Variants in BCAT1 observed in about 807,000 individuals in gnomAD.
BCAT1 encodes branched chain amino acid transaminase 1, also known as branched-chain-amino-acid aminotransferase, cytosolic.
A neutral mutation model predicts 52.4 loss-of-function variants in BCAT1; 48 were observed. The ratio of observed to expected loss-of-function variants is 0.92; its 90% CI spans 0.73 to 1.16. BCAT1 has a LOEUF of 1.16. BCAT1 is among the 50% of genes most tolerant of loss of function. The probability of loss-of-function intolerance (pLI) is 0.00; values close to 1 mark genes in which losing one functional copy is unlikely to be tolerated. For synonymous variants in BCAT1, 167 were observed against 161.3 expected (o/e 1.04, Z -0.27); for missense variants, 451 against 457.1 (o/e 0.99, Z 0.12).
chr12:24,902,743 GAA>G, intron 1 of BCAT1: 1 of 761,102 alleles, frequency 1.3e-6, no homozygotes, highest in Non-Finnish European at 2.0e-6. Flanking sequence ...CGGGAACCTC[GAA>G]GAGGTGGAGA....
rs200927487 is a variant in BCAT1, at chr12:24,833,823, T to TTTC, written c.904-961_904-960insGAA. 68 of 135,884 alleles carry TTTC rather than the reference T, an allele frequency of 5.0e-4. 1 individual carries two copies. The highest frequency in any genetic ancestry group is 4.8e-4 in the Non-Finnish European group (30 of 62,728). The allele number at this position is 135,884 out of a possible 1,614,324, so 8.4% of individuals were successfully genotyped here. ...TACTCTTTCTACGTTTGTCTCTTTC[T>TTTC]TTTTTTTTTTTTTTTAAGACAGGGT... On this transcript the variant is annotated intron_variant, in intron 8 of 10. Coordinates refer to ENST00000261192, the MANE Select transcript of BCAT1 (RefSeq NM_005504.7).
intron 10 of BCAT1, among the ~76,000 whole-genome samples, chr12:24,826,815 T>C (rs1381069859): frequency 6.6e-6 from 1 of 152,208 alleles, no homozygotes; most frequent in Non-Finnish European, 1.5e-5. Flanking sequence ...ATTTTTTAAA[T>C]CATAGTTTTA....
At chr12:24,833,211 G>A (rs1276052000) in intron 8 of BCAT1, among the ~76,000 whole-genome samples, 1 of 152,144 alleles carries the variant, frequency 6.6e-6, no homozygotes, top group African/African-American at 2.4e-5. Context: ...GCTGCTTGAT[G>A]CATGCTCCGT....
chr12:24,928,711 T>C (rs1189390442), intron 1 of BCAT1, among the ~76,000 whole-genome samples: 2 of 77,338 alleles, frequency 2.6e-5, no homozygotes, highest in Non-Finnish European at 5.4e-5. Context: ...ATGTTTGTTG[T>C]TGTTGTTGTT....
intron 5 of BCAT1, among the ~76,000 whole-genome samples, chr12:24,876,891 C>T (rs1942363652): frequency 3.9e-5 from 6 of 151,932 alleles, no homozygotes. Context: ...GTACAGCAAA[C>T]CACCATGGCT....
At chr12:24,860,004 G>C (rs1304971923) in intron 5 of BCAT1, among the ~76,000 whole-genome samples, 1 of 152,202 alleles carries the variant, frequency 6.6e-6, no homozygotes, top group Non-Finnish European at 1.5e-5. Context: ...TATGTTATCA[G>C]TAATAATTAT....
intron 6 of BCAT1, among the ~76,000 whole-genome samples, chr12:24,845,904 T>C (rs774977439): frequency 2.0e-5 from 3 of 152,180 alleles, no homozygotes; most frequent in Non-Finnish European, 4.4e-5. Context: ...AAACTAATAA[T>C]AATAACTATT....
chr12:24,852,803 C>A (rs1454493458), intron 5 of BCAT1, among the ~76,000 whole-genome samples: 1 of 152,132 alleles, frequency 6.6e-6, no homozygotes, highest in Non-Finnish European at 1.5e-5. Context: ...TGCAATTTAA[C>A]CAAGGTCAAT....
intron 1 of BCAT1, among the ~76,000 whole-genome samples, chr12:24,917,073 C>CA (rs1943422811): frequency 6.6e-6 from 1 of 151,720 alleles, no homozygotes; most frequent in African/African-American, 2.4e-5. Context: ...ATGTTTCAAA[C>CA]AAAAACCCTT....
intron 5 of BCAT1, among the ~76,000 whole-genome samples, chr12:24,860,520 A>C (rs1177971909): frequency 6.6e-6 from 1 of 152,238 alleles, no homozygotes; most frequent in African/African-American, 2.4e-5. Context: ...GAGTATTCTT[A>C]ACTTATGGCA....
chr12:24,885,359 A>C (rs986557235), intron 3 of BCAT1, among the ~76,000 whole-genome samples: 1 of 152,186 alleles, frequency 6.6e-6, no homozygotes, highest in Non-Finnish European at 1.5e-5. Context: ...AAGATCCATA[A>C]GGAAAATATA....
chr12:24,856,700 C>A (rs1013765311), intron 5 of BCAT1, among the ~76,000 whole-genome samples: 2 of 152,182 alleles, frequency 1.3e-5, no homozygotes, highest in Non-Finnish European at 2.9e-5. Context: ...AAAATAAACA[C>A]CTGTGGTTGA....
At position 24,933,109 on chromosome 12, in the gene BCAT1, C is replaced by CTTTTTT. The variant is rs57512325; in HGVS notation, c.6+15812_6+15817dup. On this transcript the variant is annotated intron_variant, in intron 1 of 10. Coordinates refer to ENST00000261192, the MANE Select transcript of BCAT1 (RefSeq NM_005504.7). ...ACAAGCATGAGCCACCACGCCTGGCCTTTTTTTTTTTTTTTTTTTTTTTTT... is the reference window on the plus strand; with the variant it reads ...ACAAGCATGAGCCACCACGCCTGGCCTTTTTTTTTTTTTTTTTTTTTTTTTTTTTTT... Among the ~76,000 whole-genome samples, 8 of 68,578 alleles carry CTTTTTT rather than the reference C, an allele frequency of 1.2e-4. 2 individuals are homozygous for CTTTTTT. Among genetic ancestry groups the CTTTTTT allele is most frequent in the Non-Finnish European group, 2.0e-4 (8 of 40,054 alleles). The allele number at this position is 68,578 out of a possible 152,430, so 45.0% of individuals were successfully genotyped here. A position where few individuals can be genotyped will look rare whatever the true frequency, so the allele number is the denominator to read the frequency against.
chr12:24,840,875 A>G (rs1211094958), intron 7 of BCAT1, among the ~76,000 whole-genome samples: 1 of 152,250 alleles, frequency 6.6e-6, no homozygotes, highest in African/African-American at 2.4e-5. Flanking sequence ...TTATATTTCT[A>G]GTCTCTATAA....
chr12:24,859,783 C>T (rs796637743), intron 5 of BCAT1, among the ~76,000 whole-genome samples: 1 of 152,016 alleles, frequency 6.6e-6, no homozygotes, highest in African/African-American at 2.4e-5. Flanking sequence ...CTATATTATG[C>T]CTTTTCCTGA....
intron 5 of BCAT1, among the ~76,000 whole-genome samples, chr12:24,872,392 A>C (rs1942205566): frequency 6.6e-6 from 1 of 152,226 alleles, no homozygotes; most frequent in Admixed American, 6.5e-5. Flanking sequence ...TTAAAATGGG[A>C]GTTCTAATGA....
intron 2 of BCAT1, among the ~76,000 whole-genome samples, chr12:24,897,924 GA>G (rs939347969): frequency 2.7e-5 from 4 of 150,940 alleles, no homozygotes; most frequent in Non-Finnish European, 1.5e-5. Context: ...TTCTCTACTT[GA>G]AAAAAAAATT....
At chr12:24,879,402 A>T (rs934938977) in intron 4 of BCAT1, among the ~76,000 whole-genome samples, 1 of 152,196 alleles carries the variant, frequency 6.6e-6, no homozygotes, top group Non-Finnish European at 1.5e-5. Context: ...CATCTACTAG[A>T]TGGGTGATAC....
intron 10 of BCAT1, among the ~76,000 whole-genome samples, chr12:24,822,023 A>G (rs1940158091): frequency 6.6e-6 from 1 of 152,212 alleles, no homozygotes; most frequent in Non-Finnish European, 1.5e-5. Context: ...CCCAAGTGGC[A>G]GAGGCAAAGG....
Sources: allele counts gnomAD v4.1 joint callset (sites outside exome capture counted in the v4.1 genomes callset), GRCh38; gene constraint gnomAD v4.1.1; transcripts MANE v1.5; gene names NCBI Gene and HGNC (gene_info 2026-07-23, HGNC 2026-07-21).